Variants in DCC observed in about 807,000 individuals in gnomAD.
DCC encodes the protein netrin receptor DCC.
DCC carries 58 observed loss-of-function variants against 172.5 expected under a neutral mutation model. The ratio of observed to expected loss-of-function variants is 0.34; its 90% CI spans 0.27 to 0.42. The LOEUF (loss-of-function observed/expected upper bound fraction) is 0.42. Ranked by LOEUF, DCC falls within the 10% of genes least tolerant of loss-of-function variation. The pLI is 1.00. For synonymous variants in DCC, 709 were observed against 644.5 expected (o/e 1.10, Z -1.52); for missense variants, 1,740 against 1,791.0 (o/e 0.97, Z 0.51).
intron 1 of DCC, among the ~76,000 whole-genome samples, chr18:52,608,432 T>G (rs72917007): frequency 0.066 from 9,972 of 152,240 alleles, 407 homozygotes; most frequent in Non-Finnish European, 0.097. Context: ...GACAGAGAAG[T>G]GTTCTGGAGA....
chr18:53,285,712 T>A (rs1279222589), intron 12 of DCC, among the ~76,000 whole-genome samples: 1 of 152,128 alleles, frequency 6.6e-6, no homozygotes, highest in Non-Finnish European at 1.5e-5. Context: ...ACTGACAGCT[T>A]ACACCATGCA....
Position 53,416,110 on chromosome 18 carries a change from T to C in DCC, c.3131-14T>C, listed in dbSNP as rs1910296459. On this transcript the variant is annotated splice_polypyrimidine_tract_variant and intron_variant, in intron 20 of 28. Coordinates refer to ENST00000442544, the MANE Select transcript of DCC (RefSeq NM_005215.4). ...TGTCAAAGTCTAATAATGTTATTTC[T>C]TTTTCCCCCGCAGTGGAACACCCTG... is the stretch of plus-strand genomic sequence containing the variant. 4 of 1,599,796 alleles carry C rather than the reference T, an allele frequency of 2.5e-6. No homozygotes were observed. Among genetic ancestry groups the C allele is most frequent in the African/African-American group, 2.7e-5 (2 of 74,636 alleles).
intron 7 of DCC, among the ~76,000 whole-genome samples, chr18:53,137,455 C>T (rs1291677908): frequency 2.0e-5 from 3 of 152,216 alleles, no homozygotes. Flanking sequence ...TGAAAGCTCA[C>T]TTCTTTGGGA....
In DCC at chr18:53,408,720, G is replaced by T. The variant is rs183106629; in HGVS notation, c.2936-1732G>T. ...ATCAACATATCCTGTCTTGGGGTCT[G>T]TATTTTATGATCTGTACCTATCCTT... On this transcript the variant is annotated intron_variant, in intron 19 of 28. Coordinates refer to ENST00000442544, the MANE Select transcript of DCC (RefSeq NM_005215.4). Among the ~76,000 whole-genome samples, 210 of 152,238 alleles carry T rather than the reference G, an allele frequency of 1.4e-3. 1 individual carries two copies. The highest frequency in any genetic ancestry group is 4.8e-3 in the African/African-American group (198 of 41,540).
rs72914955 is a variant in DCC at position 52,340,665 on chromosome 18, G to C, written c.-123G>C. 0.012 allele frequency: 9,219 copies of C among 776,298 alleles called. 96 individuals carry two copies. Among genetic ancestry groups the C allele is most frequent in the Non-Finnish European group, 0.015 (6,556 of 424,022 alleles). The allele number at this position is 776,298 out of a possible 1,614,324, so 48.1% of individuals were successfully genotyped here. On this transcript the variant is annotated 5_prime_UTR_variant, in exon 1 of 29. Coordinates refer to ENST00000442544, the MANE Select transcript of DCC (RefSeq NM_005215.4). ...AGAAAGAGGTGGAGGAAGAGGACGA[G>C]GAGGAGGAGGAAGCCGAAGGGGCTC...
intron 27 of DCC, among the ~76,000 whole-genome samples, chr18:53,501,947 A>ATAAG (rs1368232580): frequency 6.6e-6 from 1 of 152,230 alleles, no homozygotes; most frequent in African/African-American, 2.4e-5. Flanking sequence ...ACAATGCAGT[A>ATAAG]TAAGTGGATT....
intron 1 of DCC, among the ~76,000 whole-genome samples, chr18:52,450,190 C>A (rs1483174938): frequency 6.6e-6 from 1 of 152,140 alleles, no homozygotes; most frequent in African/African-American, 2.4e-5. Context: ...CCAACAGCCA[C>A]TTCATTTCAT....
chr18:53,180,528 T>A (rs1205976078), intron 9 of DCC, among the ~76,000 whole-genome samples: 2 of 152,224 alleles, frequency 1.3e-5, no homozygotes, highest in East Asian at 3.8e-4. Flanking sequence ...CTTGCACAAC[T>A]TCACCCTTTG....
chr18:53,476,506 C>G (rs527703450), intron 25 of DCC, among the ~76,000 whole-genome samples: 14 of 152,316 alleles, frequency 9.2e-5, no homozygotes, highest in Non-Finnish European at 1.9e-4. Flanking sequence ...TGCACAAGCC[C>G]TCTTCTCTTT....
chr18:52,677,064 T>C (rs1296265919), intron 1 of DCC, among the ~76,000 whole-genome samples: 1 of 152,188 alleles, frequency 6.6e-6, no homozygotes. Flanking sequence ...TGAGAAATAG[T>C]GAAATTCAAC....
At chr18:52,499,693 G>C (rs1223962293) in intron 1 of DCC, among the ~76,000 whole-genome samples, 1 of 152,080 alleles carries the variant, frequency 6.6e-6, no homozygotes, top group African/African-American at 2.4e-5. Context: ...GTCACTGTGA[G>C]TTGATTCCCT....
At chr18:52,574,095 G>A (rs2033358980) in intron 1 of DCC, among the ~76,000 whole-genome samples, 2 of 152,120 alleles carry the variant, frequency 1.3e-5, no homozygotes, top group Admixed American at 1.3e-4. Context: ...TCATCCATTT[G>A]TTCATTCAGC....
At chr18:53,254,947 C>G (rs547844385) in intron 12 of DCC, among the ~76,000 whole-genome samples, 2 of 152,100 alleles carry the variant, frequency 1.3e-5, no homozygotes, top group East Asian at 3.9e-4. Context: ...GGCATTTCCC[C>G]CTAAATTGGA....
chr18:52,672,450 G>A (rs2144972584), intron 1 of DCC, among the ~76,000 whole-genome samples: 1 of 152,256 alleles, frequency 6.6e-6, no homozygotes, highest in Non-Finnish European at 1.5e-5. Flanking sequence ...GAGAGAGAGA[G>A]AGAGATTGAA....
At chr18:52,975,964 C>T (rs748439611) in intron 5 of DCC, among the ~76,000 whole-genome samples, 1 of 152,282 alleles carries the variant, frequency 6.6e-6, no homozygotes, top group East Asian at 1.9e-4. Context: ...AACTAATTTA[C>T]ACTCCCACCA....
At chr18:53,336,594 A>G (rs2057594087) in intron 14 of DCC, among the ~76,000 whole-genome samples, 1 of 152,200 alleles carries the variant, frequency 6.6e-6, no homozygotes, top group East Asian at 1.9e-4. Context: ...ACTCACATCG[A>G]TAATTCCAAC....
At chr18:52,962,246 TCAAA>T (rs1313167193) in intron 5 of DCC, among the ~76,000 whole-genome samples, 2 of 151,620 alleles carry the variant, frequency 1.3e-5, no homozygotes, top group Non-Finnish European at 2.9e-5. Flanking sequence ...TACAATGAAC[TCAAA>T]CAAATTTACA....
chr18:53,404,338 C>T (rs536421689), intron 19 of DCC, among the ~76,000 whole-genome samples: 103 of 141,748 alleles, frequency 7.3e-4, no homozygotes, highest in African/African-American at 2.5e-3. Flanking sequence ...TAAATCTTAT[C>T]AGTCAGTGTA....
intron 22 of DCC, among the ~76,000 whole-genome samples, chr18:53,439,976 G>A (rs868838572): frequency 2.1e-4 from 31 of 150,948 alleles, no homozygotes; most frequent in Admixed American, 3.3e-4. Flanking sequence ...CGTTTTAGCC[G>A]GGATGGTCTC....
Sources: allele counts gnomAD v4.1 joint callset (sites outside exome capture counted in the v4.1 genomes callset), GRCh38; gene constraint gnomAD v4.1.1; transcripts MANE v1.5; gene names NCBI Gene and HGNC (gene_info 2026-07-23, HGNC 2026-07-21).